The following CTNNA3 variants were observed in gnomAD, a reference collection of about 807,000 sequenced individuals.
CTNNA3 encodes catenin alpha 3, also known as catenin alpha-3.
CTNNA3 carries 76 observed loss-of-function variants against 95.7 expected under a neutral mutation model. That is an observed-to-expected ratio of 0.79 (90% CI 0.66 to 0.96). CTNNA3 has a LOEUF of 0.96. CTNNA3 is among the 40% of genes least tolerant of loss of function. The pLI, the probability that CTNNA3 is intolerant of heterozygous loss-of-function variation, is 0.00. For synonymous variants in CTNNA3, 431 were observed against 374.4 expected (o/e 1.15, Z -1.74); for missense variants, 1,191 against 1,089.8 (o/e 1.09, Z -1.31).
chr10:66,696,836 G>A (rs1847784219), intron 9 of CTNNA3, among the ~76,000 whole-genome samples: 1 of 152,094 alleles, frequency 6.6e-6, no homozygotes, highest in Admixed American at 6.6e-5. Context: ...CTACTCAGGA[G>A]GCTGAGGCAA....
intron 9 of CTNNA3, among the ~76,000 whole-genome samples, chr10:66,762,144 A>G (rs1158689328): frequency 6.6e-6 from 1 of 152,104 alleles, no homozygotes; most frequent in Non-Finnish European, 1.5e-5. Flanking sequence ...TAAATTTCAT[A>G]TTTTTATCTT....
chr10:67,704,572 A>C lies in CTNNA3; in HGVS notation c.-1-57058T>G, dbSNP rs559376568. On this transcript the variant is annotated intron_variant, in intron 1 of 17. Coordinates refer to the CTNNA3 transcript ENST00000684154. ...ACGGTGCTGGGAAAACTGGCTAGCCATTTGTAGAAAGCTGAAACTGGATCC... is the reference window on the plus strand; with the variant it reads ...ACGGTGCTGGGAAAACTGGCTAGCCCTTTGTAGAAAGCTGAAACTGGATCC... Among the ~76,000 whole-genome samples the C allele has an allele frequency of 7.9e-5, 12 of 152,354 alleles. No homozygotes were observed. The East Asian group carries it at 1.2e-3, about 15-fold the overall frequency.
intron 1 of CTNNA3, among the ~76,000 whole-genome samples, chr10:67,686,349 T>C (rs920590562): frequency 2.6e-5 from 4 of 152,196 alleles, no homozygotes; most frequent in East Asian, 1.9e-4. Flanking sequence ...CATCGGTATA[T>C]AGGTTAAGGT....
At chr10:66,158,920 A>G (rs1361361135) in intron 13 of CTNNA3, among the ~76,000 whole-genome samples, 1 of 151,660 alleles carries the variant, frequency 6.6e-6, no homozygotes, top group Non-Finnish European at 1.5e-5. Flanking sequence ...TTTTGCAGCT[A>G]CTGTAAAAGG....
chr10:66,668,196 C>T (rs914398803), intron 9 of CTNNA3, among the ~76,000 whole-genome samples: 20 of 151,770 alleles, frequency 1.3e-4, no homozygotes, highest in African/African-American at 3.6e-4. Context: ...TAAGAAATAG[C>T]GTTTTTGCTA....
chr10:65,934,208 C>T (rs984140222), intron 17 of CTNNA3, among the ~76,000 whole-genome samples: 6 of 152,018 alleles, frequency 3.9e-5, no homozygotes, highest in African/African-American at 1.4e-4. Context: ...TTTCCAAATC[C>T]CATTTTCATT....
At chr10:66,743,811 G>T (rs1430242499) in intron 9 of CTNNA3, among the ~76,000 whole-genome samples, 3 of 151,576 alleles carry the variant, frequency 2.0e-5, no homozygotes, top group African/African-American at 7.3e-5. Flanking sequence ...TCCCGTCTCT[G>T]CCAAAAATAC....
chr10:66,503,403 A>G (rs914450498), intron 11 of CTNNA3, among the ~76,000 whole-genome samples: 1 of 152,148 alleles, frequency 6.6e-6, no homozygotes, highest in East Asian at 1.9e-4. Context: ...TTATTTCCCA[A>G]AGAGCATAGA....
chr10:67,599,656 T>C (rs556084984), intron 3 of CTNNA3, among the ~76,000 whole-genome samples: 11 of 152,324 alleles, frequency 7.2e-5, no homozygotes, highest in Admixed American at 5.9e-4. Flanking sequence ...TTAAATGTTA[T>C]AAAGTACCAT....
At chr10:66,427,828 G>A (rs1297031541) in intron 11 of CTNNA3, among the ~76,000 whole-genome samples, 1 of 152,102 alleles carries the variant, frequency 6.6e-6, no homozygotes, top group East Asian at 1.9e-4. Flanking sequence ...TCAATTCTAG[G>A]AAGAAACTGC....
intron 11 of CTNNA3, among the ~76,000 whole-genome samples, chr10:66,506,866 C>T (rs1298335322): frequency 6.6e-6 from 1 of 151,952 alleles, no homozygotes; most frequent in Non-Finnish European, 1.5e-5. Flanking sequence ...TGTATAAGTG[C>T]AATGTATGGT....
chr10:66,153,498 T>C (rs888979322), intron 13 of CTNNA3, among the ~76,000 whole-genome samples: 2 of 151,952 alleles, frequency 1.3e-5, no homozygotes, highest in Non-Finnish European at 2.9e-5. Flanking sequence ...AGTGTTGTTC[T>C]TTTAGCCTTA....
At chr10:67,025,674 C>T (rs1228843894) in intron 7 of CTNNA3, among the ~76,000 whole-genome samples, 1 of 152,076 alleles carries the variant, frequency 6.6e-6, no homozygotes, top group Non-Finnish European at 1.5e-5. Flanking sequence ...TATATAAGTA[C>T]TATATCATTA....
At chr10:67,258,057 A>T (rs1866434647) in intron 5 of CTNNA3, among the ~76,000 whole-genome samples, 1 of 152,172 alleles carries the variant, frequency 6.6e-6, no homozygotes, top group Admixed American at 6.6e-5. Flanking sequence ...TAACAAGGAT[A>T]AGTCCTTTCC....
At chr10:67,560,573 C>T (rs1841470090) in intron 3 of CTNNA3, among the ~76,000 whole-genome samples, 1 of 152,172 alleles carries the variant, frequency 6.6e-6, no homozygotes. Context: ...GAAGAAACTG[C>T]ATCAACTAAC....
At chr10:67,368,329 A>G (rs1843291710) in intron 5 of CTNNA3, among the ~76,000 whole-genome samples, 1 of 152,184 alleles carries the variant, frequency 6.6e-6, no homozygotes, top group African/African-American at 2.4e-5. Flanking sequence ...TGCTCACTAG[A>G]ATGGCTGAAA....
chr10:66,056,472 G>A (rs905283795), intron 15 of CTNNA3, among the ~76,000 whole-genome samples: 2 of 152,028 alleles, frequency 1.3e-5, no homozygotes, highest in African/African-American at 4.8e-5. Flanking sequence ...GTTCATCAGA[G>A]GTATTGGCCT....
intron 12 of CTNNA3, among the ~76,000 whole-genome samples, chr10:66,309,906 AAAATAAATAAAT>A (rs140451350): frequency 0.1 from 13,643 of 135,734 alleles, 816 homozygotes; most frequent in Admixed American, 0.17. Flanking sequence ...AAAGATACAA[AAAATAAATAAAT>A]AAATAAATAA....
intron 5 of CTNNA3, among the ~76,000 whole-genome samples, chr10:67,502,356 G>A (rs969175540): frequency 9.2e-5 from 14 of 152,148 alleles, no homozygotes; most frequent in African/African-American, 4.8e-5. Context: ...CATCCCAGAG[G>A]GGCACCTGCC....
Sources: gnomAD v4.1 joint callset for allele counts (sites outside exome capture counted in the v4.1 genomes callset) on GRCh38, gnomAD v4.1.1 for gene constraint, MANE v1.5 for transcripts, NCBI Gene and HGNC (gene_info 2026-07-23, HGNC 2026-07-21) for gene names.